The following PTPRD variants were observed in gnomAD, a reference collection of about 807,000 sequenced individuals.
PTPRD encodes receptor-type tyrosine-protein phosphatase delta.
A neutral mutation model predicts 214.5 loss-of-function variants in PTPRD; 34 were observed. That is an observed-to-expected ratio of 0.16 (90% confidence interval 0.12 to 0.21). The LOEUF (loss-of-function observed/expected upper bound fraction) is 0.21. Ranked by LOEUF, PTPRD falls within the 10% of genes least tolerant of loss-of-function variation. The pLI is 1.00. For missense variants in PTPRD, 2,545 were observed against 2,398.7 expected (o/e 1.06, Z -1.27); for synonymous variants, 1,128 against 845.7 (o/e 1.33, Z -5.79).
intron 2 of PTPRD, among the ~76,000 whole-genome samples, chr9:10,427,359 C>A (rs2098631837): frequency 6.6e-6 from 1 of 152,060 alleles, no homozygotes; most frequent in Admixed American, 6.6e-5. Flanking sequence ...AGAAAAATAA[C>A]CTTTTATAAT....
chr9:10,306,056 AT>A (rs2154411480), intron 3 of PTPRD, among the ~76,000 whole-genome samples: 1 of 152,262 alleles, frequency 6.6e-6, no homozygotes, highest in South Asian at 2.1e-4. Flanking sequence ...GATAAAGAAA[AT>A]GTGGCACATA....
intron 3 of PTPRD, among the ~76,000 whole-genome samples, chr9:10,181,665 T>A (rs2099288893): frequency 6.6e-6 from 1 of 151,936 alleles, no homozygotes; most frequent in South Asian, 2.1e-4. Context: ...ATTGTACTTC[T>A]GCAGTTACTA....
At chr9:9,665,241 C>G (rs924261202) in intron 7 of PTPRD, among the ~76,000 whole-genome samples, 1 of 151,542 alleles carries the variant, frequency 6.6e-6, no homozygotes, top group African/African-American at 2.4e-5. Context: ...TAGAATGGTC[C>G]ATTTAAAAAC....
intron 14 of PTPRD, among the ~76,000 whole-genome samples, chr9:8,561,610 G>T (rs12004691): frequency 0.19 from 28,817 of 152,098 alleles, 3,216 homozygotes; most frequent in African/African-American, 0.32. Context: ...GGGGGTGAGG[G>T]GGGGTGGAGA....
At chr9:9,919,766 C>G (rs1479875108) in intron 5 of PTPRD, among the ~76,000 whole-genome samples, 1 of 152,126 alleles carries the variant, frequency 6.6e-6, no homozygotes, top group Non-Finnish European at 1.5e-5. Context: ...CTGGTGCTAA[C>G]TATTTAACCT....
chr9:10,019,664 A>T (rs1032383972), intron 4 of PTPRD, among the ~76,000 whole-genome samples: 51 of 152,270 alleles, frequency 3.3e-4, no homozygotes, highest in African/African-American at 1.2e-3. Flanking sequence ...ATTCTCAGCA[A>T]ACTATCGCAA....
At chr9:10,322,233 A>G (rs934752930) in intron 3 of PTPRD, among the ~76,000 whole-genome samples, 1 of 152,102 alleles carries the variant, frequency 6.6e-6, no homozygotes, top group African/African-American at 2.4e-5. Flanking sequence ...GACCCATAAA[A>G]AAGATTATAC....
At chr9:9,303,053 C>A (rs528540535) in intron 9 of PTPRD, among the ~76,000 whole-genome samples, 3 of 151,896 alleles carry the variant, frequency 2.0e-5, no homozygotes, top group Non-Finnish European at 4.4e-5. Context: ...AAGACCTTTT[C>A]TTTTCTATTT....
chr9:10,052,020 T>C (rs1373092810), intron 3 of PTPRD, among the ~76,000 whole-genome samples: 1 of 152,100 alleles, frequency 6.6e-6, no homozygotes, highest in Non-Finnish European at 1.5e-5. Flanking sequence ...TCACAGCTCA[T>C]TGCAGTGTCA....
intron 2 of PTPRD, among the ~76,000 whole-genome samples, chr9:10,447,182 G>A (rs2098806138): frequency 6.6e-6 from 1 of 150,406 alleles, no homozygotes; most frequent in Non-Finnish European, 1.5e-5. Flanking sequence ...TGTGCAGCAA[G>A]GTAGCTAACA....
intron 39 of PTPRD, 45 bp downstream of exon 39, chr9:8,375,891 T>C (rs767377436): frequency 1.9e-6 from 3 of 1,585,346 alleles, no homozygotes; most frequent in Non-Finnish European, 2.6e-6. Flanking sequence ...TGAGAGTCAA[T>C]TTAGCTTTCT....
At chr9:10,491,120 T>C (rs1482526461) in intron 2 of PTPRD, among the ~76,000 whole-genome samples, 1 of 152,206 alleles carries the variant, frequency 6.6e-6, no homozygotes, top group Non-Finnish European at 1.5e-5. Flanking sequence ...GCTATAAGCA[T>C]ATCCAGGATA....
At chr9:8,321,483 G>GTATATATATA (rs1283435570) in intron 44 of PTPRD, among the ~76,000 whole-genome samples, 3 of 48,786 alleles carry the variant, frequency 6.1e-5, no homozygotes, top group African/African-American at 1.3e-4. Flanking sequence ...GTGTGTGTGT[G>GTATATATATA]TGTGTATATA....
At chr9:10,068,362 T>C (rs1567467664) in intron 3 of PTPRD, among the ~76,000 whole-genome samples, 1 of 151,908 alleles carries the variant, frequency 6.6e-6, no homozygotes. Flanking sequence ...GAGTATCATA[T>C]AAGATAATCC....
chr9:9,041,709 C>T (rs377589310), intron 10 of PTPRD, among the ~76,000 whole-genome samples: 1 of 152,150 alleles, frequency 6.6e-6, no homozygotes, highest in Non-Finnish European at 1.5e-5. Flanking sequence ...AGAAAGTTAG[C>T]ACTGGAAGGC....
intron 11 of PTPRD, among the ~76,000 whole-genome samples, chr9:8,919,622 A>G (rs1161483039): frequency 6.6e-6 from 1 of 152,174 alleles, no homozygotes; most frequent in African/African-American, 2.4e-5. Flanking sequence ...TTTTCCATAT[A>G]CAGATGTTCA....
intron 10 of PTPRD, among the ~76,000 whole-genome samples, chr9:9,042,598 A>G (rs905008534): frequency 1.6e-5 from 2 of 126,626 alleles, no homozygotes; most frequent in Non-Finnish European, 3.3e-5. Flanking sequence ...GCCACTTAGC[A>G]TTTTTTCTTT....
intron 11 of PTPRD, among the ~76,000 whole-genome samples, chr9:9,009,678 T>C (rs1353786433): frequency 2.0e-4 from 31 of 152,094 alleles, no homozygotes; most frequent in Admixed American, 2.0e-3. Context: ...GTAGATGACA[T>C]TGGTGTATCT....
intron 7 of PTPRD, among the ~76,000 whole-genome samples, chr9:9,590,539 T>G (rs187904445): frequency 6.6e-6 from 1 of 152,050 alleles, no homozygotes; most frequent in African/African-American, 2.4e-5. Flanking sequence ...TTTTCTATAA[T>G]GAACATCAAT....
Sources: gnomAD v4.1 joint callset for allele counts (sites outside exome capture counted in the v4.1 genomes callset) on GRCh38, gnomAD v4.1.1 for gene constraint, MANE v1.5 for transcripts, NCBI Gene and HGNC (gene_info 2026-07-23, HGNC 2026-07-21) for gene names.